The following DGCR2 variants were observed in gnomAD, a reference collection of about 807,000 sequenced individuals.
The protein encoded by DGCR2 is integral membrane protein DGCR2/IDD.
In DGCR2, 24 loss-of-function variants were observed where a neutral mutation model predicts 51.6. The observed-to-expected ratio is 0.47, with a 90% CI of 0.34 to 0.65. The LOEUF is 0.65. Ranked by LOEUF, DGCR2 falls within the 30% of genes least tolerant of loss-of-function variation. The probability of loss-of-function intolerance (pLI) is 0.01; values close to 1 mark genes in which losing one functional copy is unlikely to be tolerated. For synonymous variants in DGCR2, 340 were observed against 315.4 expected, an observed-to-expected ratio of 1.08 and a Z score of -0.82; for missense variants, 765 against 772.1, an observed-to-expected ratio of 0.99 and a Z score of 0.11.
chr22:19,069,299 G>A (rs879824665), intron 2 of DGCR2, among the ~76,000 whole-genome samples: 4 of 152,322 alleles, frequency 2.6e-5, no homozygotes, highest in Admixed American at 1.3e-4. Context: ...GGCAGTCAGC[G>A]CCACCTGACG....
At position 19,036,585 on chromosome 22, in the gene DGCR2, G is replaced by C. The variant is rs2082371571; in HGVS notation, c.*2280C>G. The C allele has an allele frequency of 6.6e-6, 1 of 152,290 alleles. No homozygotes were observed. The highest frequency in any genetic ancestry group is 1.5e-5 in the Non-Finnish European group (1 of 68,072). The allele number at this position is 152,290 out of a possible 1,614,324, so 9.4% of individuals were successfully genotyped here. A position where few individuals can be genotyped will look rare whatever the true frequency, so the allele number is the denominator to read the frequency against. On this transcript the variant is annotated 3_prime_UTR_variant, in exon 10 of 10. Coordinates refer to ENST00000263196, the MANE Select transcript of DGCR2 (RefSeq NM_005137.3). Reference sequence around the variant, plus strand: ...GGACTGCAGCAGGCCTTGCAAAGGGGGCATTCTGGATGGTGGTGCAAGAAC... The same window carrying C: ...GGACTGCAGCAGGCCTTGCAAAGGGCGCATTCTGGATGGTGGTGCAAGAAC...
intron 6 of DGCR2, chr22:19,056,650 A>G (rs2082606671): frequency 1.0e-5 from 4 of 393,604 alleles, no homozygotes; most frequent in Non-Finnish European, 1.8e-5. Context: ...TGGGGAGGTG[A>G]CAAACAGCCT....
At position 19,048,456 on chromosome 22, in the gene DGCR2, G is replaced by A. The variant is rs1371160566; in HGVS notation, c.990C>T (p.Phe330=). 6 of 1,614,094 alleles carry A rather than the reference G, an allele frequency of 3.7e-6. No homozygotes were observed. The East Asian group carries it at 1.1e-4, about 30-fold the overall frequency. The change falls in exon 7 of 10, where the codon TTC becomes TTT. Residue 330 remains phenylalanine, a synonymous_variant. Coordinates refer to ENST00000263196, the MANE Select transcript of DGCR2 (RefSeq NM_005137.3). ...YRKDPKECCK[F]MCLDPDGNSL... ...GAGTCTCACCTGGGTCCAGACACAT[G>A]AACTTGCAGCACTCTTTGGGGTCCT...
intron 1 of DGCR2, among the ~76,000 whole-genome samples, chr22:19,109,039 G>GA (rs1204041885): frequency 1.6e-3 from 225 of 145,142 alleles, no homozygotes; most frequent in African/African-American, 4.9e-3. Flanking sequence ...AAAAGGAAAA[G>GA]AAAAAAAAAA....
intron 7 of DGCR2, chr22:19,048,159 T>A: frequency 2.0e-6 from 1 of 512,572 alleles, no homozygotes; most frequent in Admixed American, 3.3e-5. Flanking sequence ...CTGTCAGTGG[T>A]GACTTGTGAA....
At chr22:19,054,999 CCAGCTACT>C (rs1433942930) in intron 6 of DGCR2, among the ~76,000 whole-genome samples, 1 of 151,998 alleles carries the variant, frequency 6.6e-6, no homozygotes, top group Admixed American at 6.6e-5. Flanking sequence ...GTCTGTAATC[CCAGCTACT>C]CAGGAGGCTG....
At chr22:19,078,184 T>A (rs989055739) in intron 2 of DGCR2, among the ~76,000 whole-genome samples, 4 of 152,256 alleles carry the variant, frequency 2.6e-5, no homozygotes, top group African/African-American at 9.6e-5. Flanking sequence ...GTCTTTCATG[T>A]GTACTTAAGA....
intron 1 of DGCR2, among the ~76,000 whole-genome samples, chr22:19,108,569 TAAAAAAAAAAAAAAAAA>T (rs55803042): frequency 6.8e-4 from 62 of 90,794 alleles, no homozygotes; most frequent in African/African-American, 2.1e-3. Flanking sequence ...AGAATTTATC[TAAAAAAAAAAAAAAAAA>T]AAAAAAAAAA....
At chr22:19,053,772 C>T (rs1251438903) in intron 6 of DGCR2, among the ~76,000 whole-genome samples, 2 of 152,018 alleles carry the variant, frequency 1.3e-5, no homozygotes, top group African/African-American at 4.8e-5. Context: ...AAAATAACTA[C>T]GATTAATTTG....
intron 2 of DGCR2, among the ~76,000 whole-genome samples, chr22:19,087,673 C>T (rs900663409): frequency 1.9e-4 from 28 of 145,540 alleles, no homozygotes; most frequent in African/African-American, 7.1e-4. Flanking sequence ...AGCCACTGCA[C>T]CTGGCTTTTT....
At chr22:19,083,866 G>A (rs180725599) in intron 2 of DGCR2, among the ~76,000 whole-genome samples, 2,517 of 151,984 alleles carry the variant, frequency 0.017, 75 homozygotes, top group African/African-American at 0.058. Context: ...TTGCAGGCGC[G>A]CGCCGCCATG....
intron 2 of DGCR2, among the ~76,000 whole-genome samples, chr22:19,077,869 C>T (rs1013603519): frequency 2.0e-5 from 3 of 150,982 alleles, no homozygotes; most frequent in African/African-American, 7.3e-5. Flanking sequence ...CACTCTGTCA[C>T]CCAGGCTGGA....
At chr22:19,048,738 T>C in intron 6 of DGCR2, 95 bp from the exon 7 acceptor site, 8 of 1,248,662 alleles carry the variant, frequency 6.4e-6, no homozygotes, top group Non-Finnish European at 9.2e-6. Context: ...AGCCTCCCCG[T>C]GTGGGCCTGT....
chr22:19,054,643 C>T (rs1383054836), intron 6 of DGCR2, among the ~76,000 whole-genome samples: 2 of 149,398 alleles, frequency 1.3e-5, no homozygotes, highest in Non-Finnish European at 3.0e-5. Context: ...AGGCAGGAGG[C>T]TCACTTGAGC....
intron 4 of DGCR2, among the ~76,000 whole-genome samples, chr22:19,063,609 A>G (rs532860914): frequency 1.3e-5 from 2 of 151,394 alleles, no homozygotes; most frequent in East Asian, 3.9e-4. Context: ...TCGGCTTCCC[A>G]AAGTGCTGGG....
At chr22:19,106,123 G>A (rs997754828) in intron 1 of DGCR2, among the ~76,000 whole-genome samples, 15 of 152,044 alleles carry the variant, frequency 9.9e-5, no homozygotes, top group Admixed American at 3.9e-4. Flanking sequence ...CTCCTGGCCC[G>A]TGCAACCCTG....
chr22:19,066,482 G>A (rs2082751041), intron 3 of DGCR2, among the ~76,000 whole-genome samples: 1 of 152,200 alleles, frequency 6.6e-6, no homozygotes, highest in Non-Finnish European at 1.5e-5. Context: ...CAGCTCTCGA[G>A]AAGGTGTGTT....
rs2082386253 is a variant in DGCR2 at position 19,037,733 on chromosome 22, C to G, written c.*1132G>C. 1 of 152,438 alleles carries G rather than the reference C, an allele frequency of 6.6e-6. No individual in the cohort carries two copies. Among genetic ancestry groups the G allele is most frequent in the African/African-American group, 2.4e-5 (1 of 41,456 alleles). The allele number at this position is 152,438 out of a possible 1,614,324, so 9.4% of individuals were successfully genotyped here. On this transcript the variant is annotated 3_prime_UTR_variant, in exon 10 of 10. Coordinates refer to ENST00000263196, the MANE Select transcript of DGCR2 (RefSeq NM_005137.3). ...ATGTTAAAGGCCCTGTGTCAGGCAACAAAACCACTGCCCAGGAGCAGGCAA... is the reference window on the plus strand; with the variant it reads ...ATGTTAAAGGCCCTGTGTCAGGCAAGAAAACCACTGCCCAGGAGCAGGCAA...
intron 6 of DGCR2, among the ~76,000 whole-genome samples, chr22:19,052,345 G>C (rs1467853835): frequency 6.6e-6 from 1 of 152,048 alleles, no homozygotes. Flanking sequence ...GAACCCAAGA[G>C]GCGGAAGCTG....
Sources: gnomAD v4.1 joint callset for allele counts (sites outside exome capture counted in the v4.1 genomes callset) on GRCh38, gnomAD v4.1.1 for gene constraint, MANE v1.5 for transcripts, NCBI Gene and HGNC (gene_info 2026-07-23, HGNC 2026-07-21) for gene names.